Variants in ABCA9 observed in about 807,000 individuals in gnomAD.
ABCA9 encodes the protein ATP binding cassette subfamily A member 9.
In ABCA9, 183 loss-of-function variants were observed where a neutral mutation model predicts 205.3. The ratio of observed to expected loss-of-function variants is 0.89; its 90% CI spans 0.79 to 1.01. ABCA9 has a LOEUF of 1.01. ABCA9 is among the 50% of genes least tolerant of loss of function. The pLI, the probability that ABCA9 is intolerant of heterozygous loss-of-function variation, is 0.00. For missense variants in ABCA9, 1,805 were observed against 1,912.4 expected, an observed-to-expected ratio of 0.94 and a Z score of 1.05; for synonymous variants, 651 against 683.3, an observed-to-expected ratio of 0.95 and a Z score of 0.74.
the ABCA9 span, among the ~76,000 whole-genome samples, chr17:69,078,035 C>T: frequency 6.6e-6 from 1 of 151,856 alleles, no homozygotes; most frequent in East Asian, 1.9e-4. Context: ...CCCCTGAAAA[C>T]AATAAGTTAA....
rs766290893 is a variant in ABCA9 at position 69,007,831 on chromosome 17, C to T, written c.3363G>A (p.Leu1121=). Residue 1121 remains leucine, a synonymous_variant, in exon 25 of 39, where the codon TTG becomes TTA. Transcript: ENST00000340001. ...GAAAAATGAATGAAATCACATATGT[C>T]AAGAAAACAAGAGATGAGACATAGC... ...SIGYVSSLVF[L]TYVISFIFRN... 1 of 1,610,758 alleles carries T rather than the reference C, an allele frequency of 6.2e-7. No individual in the cohort carries two copies. The highest frequency in any genetic ancestry group is 1.3e-5 in the African/African-American group (1 of 74,846).
At position 69,027,064 on chromosome 17, in the gene ABCA9, G is replaced by C; in HGVS notation, c.1962C>G (p.His654Gln). 6.2e-7 allele frequency: 1 copy of C among 1,614,104 alleles called. No individual in the cohort carries two copies. Among genetic ancestry groups the C allele is most frequent in the Non-Finnish European group, 8.5e-7 (1 of 1,179,998 alleles). ...PTAGLDPLSR[H>Q]RIWNLLKEGK... ...CCTCTTTCAGGAGATTCCATATTCGGTGCCTTGAAAGAGGATCCAATCCAG... is the reference window on the plus strand; with the variant it reads ...CCTCTTTCAGGAGATTCCATATTCGCTGCCTTGAAAGAGGATCCAATCCAG... Residue 654 changes from histidine to glutamine, a missense_variant, in exon 15 of 39, where the codon CAC becomes CAG. Physicochemically the swap from His to Gln is conservative, Grantham distance 24 (BLOSUM62 0). Coordinates refer to ENST00000340001, the MANE Select transcript of ABCA9 (RefSeq NM_080283.4).
intron 1 of ABCA9, among the ~76,000 whole-genome samples, chr17:69,054,348 C>G (rs1380475950): frequency 6.6e-6 from 1 of 151,568 alleles, no homozygotes; most frequent in African/African-American, 2.4e-5. Context: ...ATAGGGAGAC[C>G]CTGTCTCTAC....
intron 17 of ABCA9, among the ~76,000 whole-genome samples, chr17:69,022,973 A>G (rs550079749): frequency 5.9e-5 from 9 of 152,222 alleles, no homozygotes; most frequent in Admixed American, 2.0e-4. Context: ...AATGCATTTA[A>G]TAAGCAATCA....
chr17:69,016,530 C>G lies in ABCA9; in HGVS notation c.2902-140G>C, dbSNP rs187949221. On this transcript the variant is annotated intron_variant, in intron 21 of 38. Transcript: ENST00000340001. ...GAATGTGATTAATATCACTATCACT[C>G]ATAATATTTGATTAATTCTTAAGTA... is the stretch of plus-strand genomic sequence containing the variant. The G allele has an allele frequency of 2.3e-4, 170 of 725,470 alleles. 1 individual carries two copies. The highest frequency in any genetic ancestry group is 5.0e-4 in the Admixed American group (14 of 27,756). 44.9% of individuals were successfully genotyped at this position (725,470 alleles called of 1,614,324 possible).
chr17:68,997,087 C>A (rs190606883), intron 25 of ABCA9, among the ~76,000 whole-genome samples: 1 of 152,170 alleles, frequency 6.6e-6, no homozygotes, highest in Non-Finnish European at 1.5e-5. Context: ...CATGCCATCA[C>A]GCCCAGCTAA....
At position 69,027,686 on chromosome 17, in the gene ABCA9, A is replaced by G; in HGVS notation, c.1745T>C (p.Leu582Pro). Residue 582 changes from leucine (L) to proline (P), a missense_variant, in exon 13 of 39, where the codon CTG becomes CCG. Physicochemically the swap from Leu to Pro is moderately conservative, Grantham distance 98. Coordinates refer to ENST00000340001, the MANE Select transcript of ABCA9 (RefSeq NM_080283.4). ...GFLTVKENLR[L>P]FAKIKGILPH... ...CAAAATCCCTTTTATTTTAGCAAAC[A>G]GCCTGAGGTTTTCTTTCACAGTGAG... 1 of 1,613,656 alleles carries G rather than the reference A, an allele frequency of 6.2e-7. No homozygotes were observed. Among genetic ancestry groups the G allele is most frequent in the South Asian group, 1.1e-5 (1 of 91,046 alleles).
In ABCA9 at chr17:69,023,003, A is replaced by G. The variant is rs944520938; in HGVS notation, c.2282-1142T>C. Among the ~76,000 whole-genome samples, 3 of 152,214 alleles carry G rather than the reference A, an allele frequency of 2.0e-5. No individual in the cohort carries two copies. Among genetic ancestry groups the G allele is most frequent in the Non-Finnish European group, 2.9e-5 (2 of 68,034 alleles). ...CAATCAGCTAAAACTTTGCTGTGTG[A>G]TCTTCACAAAGATTTCTGTTTTTAT... On this transcript the variant is annotated intron_variant, in intron 17 of 38. Coordinates refer to ENST00000340001, the MANE Select transcript of ABCA9 (RefSeq NM_080283.4). This position sits in a 1 kb window ranked among gnomAD's most constrained non-coding sequence, Gnocchi z 4.2.
chr17:69,018,282 T>C, intron 20 of ABCA9, 131 bp downstream of exon 20: 1 of 779,066 alleles, frequency 1.3e-6, no homozygotes. Flanking sequence ...TTTTAATTTA[T>C]TTTCTGTTTG....
intron 21 of ABCA9, 42 bp from the exon 22 acceptor site, chr17:69,016,432 A>G: frequency 1.3e-6 from 2 of 1,511,070 alleles, no homozygotes; most frequent in South Asian, 2.7e-5. Context: ...TCATAAAGCA[A>G]AGACAAAATT....
chr17:69,067,064 A>T, the ABCA9 span, among the ~76,000 whole-genome samples: 29 of 152,186 alleles, frequency 1.9e-4, no homozygotes, highest in Admixed American at 9.2e-4. Context: ...TACAAGAGAA[A>T]AGCCGTACTT....
At chr17:69,045,077 T>C in intron 4 of ABCA9, 95 bp downstream of exon 4, 1 of 956,862 alleles carries the variant, frequency 1.0e-6, no homozygotes, top group Admixed American at 2.6e-5. Context: ...TGTGGTTGTA[T>C]ATGTTTGTGT....
chr17:69,069,099 G>A, the ABCA9 span, among the ~76,000 whole-genome samples: 2 of 152,214 alleles, frequency 1.3e-5, no homozygotes. Context: ...GAGCGTGGAA[G>A]TCATTATTCG....
rs201325961 is a variant in ABCA9, at chr17:69,035,410, T to C, written c.964A>G (p.Ser322Gly). 177 of 1,589,222 alleles carry C rather than the reference T, an allele frequency of 1.1e-4. No homozygotes were observed. Among genetic ancestry groups the C allele is most frequent in the Admixed American group, 3.1e-4 (17 of 55,626 alleles). ...AGGAAAGGTTTCTTTATCAACACAC[T>C]CATCAGGAAAGCTAAAGTTATCTGA... ...LSLITLAFLM[S>G]VLIKKPFLTG... Residue 322 changes from serine (S) to glycine (G), a missense_variant, in exon 8 of 39, where the codon AGT becomes GGT. Coordinates refer to ENST00000340001, the MANE Select transcript of ABCA9 (RefSeq NM_080283.4).
At chr17:69,033,995 A>C in intron 8 of ABCA9, 122 bp from the exon 9 acceptor site, 1 of 775,422 alleles carries the variant, frequency 1.3e-6, no homozygotes, top group Non-Finnish European at 2.1e-6. Context: ...GTCTCTACAG[A>C]GCTCTGTCTA....
intron 27 of ABCA9, 62 bp from the exon 28 acceptor site, chr17:68,992,328 G>T: frequency 9.4e-7 from 1 of 1,068,418 alleles, no homozygotes; most frequent in Non-Finnish European, 1.3e-6. Flanking sequence ...TTCAATATTG[G>T]AATTGATTTA....
intron 25 of ABCA9, among the ~76,000 whole-genome samples, chr17:69,001,552 C>T (rs1440811803): frequency 2.0e-5 from 3 of 151,710 alleles, no homozygotes; most frequent in Non-Finnish European, 4.4e-5. Context: ...CATCAATGTG[C>T]ATCAAGGATA....
intron 16 of ABCA9, among the ~76,000 whole-genome samples, chr17:69,025,832 A>G (rs2070961696): frequency 1.3e-5 from 2 of 152,196 alleles, no homozygotes; most frequent in African/African-American, 4.8e-5. Context: ...TCAAAGGGGA[A>G]TAACAATAGT....
chr17:69,057,427 A>AAG lies in ABCA9; in HGVS notation c.-14+3437_-14+3438dup, dbSNP rs147825600. On this transcript the variant is annotated intron_variant, in intron 1 of 38. Transcript: ENST00000340001. ...TAAGGGCCTAGGCTTACAAGAGTGA[A>AAG]AGAGAGAGAGAGAGAGTGGCCTTTA... Among the ~76,000 whole-genome samples the AAG allele has an allele frequency of 2.9e-3, 439 of 151,500 alleles. 4 individuals carry two copies. The Middle Eastern group carries it at 0.031, about 11-fold the overall frequency.
Sources: gnomAD v4.1 joint callset for allele counts (sites outside exome capture counted in the v4.1 genomes callset) on GRCh38, gnomAD v4.1.1 for gene constraint, Gnocchi (gnomAD v3.1) non-coding constraint, MANE v1.5 for transcripts, NCBI Gene and HGNC (gene_info 2026-07-23, HGNC 2026-07-21) for gene names.